Variants in ACTR3C observed in about 807,000 individuals in gnomAD.
ACTR3C encodes the protein actin related protein 3C, also known as actin-related protein 3C.
ACTR3C carries 18 observed loss-of-function variants against 26.3 expected under a neutral mutation model. The observed-to-expected ratio is 0.68, with a 90% CI of 0.47 to 1.01. The LOEUF is 1.01. Ranked by LOEUF, ACTR3C falls within the 50% of genes least tolerant of loss-of-function variation. The probability of loss-of-function intolerance (pLI) is 0.00; values close to 1 mark genes in which losing one functional copy is unlikely to be tolerated. For synonymous variants in ACTR3C, 55 were observed against 94.5 expected (o/e 0.58, Z 2.42); for missense variants, 184 against 250.7 (o/e 0.73, Z 1.80).
chr7:150,072,917 T>A, the ACTR3C span, among the ~76,000 whole-genome samples: 1 of 151,978 alleles, frequency 6.6e-6, no homozygotes, highest in Non-Finnish European at 1.5e-5. Context: ...CCTGCCCAGA[T>A]GAGCGAGAAC....
the ACTR3C span, among the ~76,000 whole-genome samples, chr7:149,937,119 A>T: frequency 4.6e-5 from 7 of 151,262 alleles, no homozygotes; most frequent in Non-Finnish European, 8.8e-5. Flanking sequence ...CAATATAGAC[A>T]TATTACCAAC....
At chr7:149,920,159 G>T in the ACTR3C span, among the ~76,000 whole-genome samples, 1 of 152,050 alleles carries the variant, frequency 6.6e-6, no homozygotes, top group Non-Finnish European at 1.5e-5. Context: ...CAGTTGGCTG[G>T]GTTATATCTG....
chr7:150,160,878 A>G, the ACTR3C span, among the ~76,000 whole-genome samples: 1 of 147,966 alleles, frequency 6.8e-6, no homozygotes, highest in East Asian at 2.0e-4. Flanking sequence ...CAGGAGTATA[A>G]AGTGCTTAGA....
At chr7:150,038,775 T>G in the ACTR3C span, among the ~76,000 whole-genome samples, 1 of 138,924 alleles carries the variant, frequency 7.2e-6, no homozygotes, top group Non-Finnish European at 1.6e-5. Flanking sequence ...GGGAAGAGGG[T>G]CTGGCTCTCA....
At chr7:150,100,794 C>G in the ACTR3C span, among the ~76,000 whole-genome samples, 2,960 of 151,346 alleles carry the variant, frequency 0.02, 196 homozygotes, top group African/African-American at 0.069. Flanking sequence ...ACCTCCCCCT[C>G]CCCGGGCTCA....
At chr7:150,120,915 T>C in the ACTR3C span, among the ~76,000 whole-genome samples, 1 of 152,178 alleles carries the variant, frequency 6.6e-6, no homozygotes, top group Non-Finnish European at 1.5e-5. Flanking sequence ...AACTCTGGGA[T>C]GTAAGGGTGG....
At chr7:150,042,593 C>T in the ACTR3C span, among the ~76,000 whole-genome samples, 2 of 141,818 alleles carry the variant, frequency 1.4e-5, no homozygotes, top group Non-Finnish European at 3.1e-5. Flanking sequence ...TGCCTCCCCC[C>T]ACTGCGATGG....
the ACTR3C span, among the ~76,000 whole-genome samples, chr7:150,182,304 G>A: frequency 2.7e-5 from 4 of 150,814 alleles, 1 homozygote; most frequent in African/African-American, 1.0e-4. Flanking sequence ...TCTCGCCCCA[G>A]CAACCTGGTT....
At chr7:150,098,921 G>T in the ACTR3C span, among the ~76,000 whole-genome samples, 1 of 150,814 alleles carries the variant, frequency 6.6e-6, no homozygotes, top group Middle Eastern at 3.4e-3. Flanking sequence ...CCCATTAATG[G>T]TCTACAATAG....
the ACTR3C span, among the ~76,000 whole-genome samples, chr7:150,146,751 G>A: frequency 1.3e-5 from 2 of 152,318 alleles, no homozygotes; most frequent in Admixed American, 1.3e-4. Context: ...ATCTTCAGAG[G>A]TGATGGATGT....
At chr7:150,035,569 G>A in the ACTR3C span, among the ~76,000 whole-genome samples, 21 of 135,538 alleles carry the variant, frequency 1.5e-4, 2 homozygotes, top group African/African-American at 5.0e-4. Flanking sequence ...CAGAGCCGGG[G>A]GGGAAGAGGG....
chr7:149,956,067 C>G, the ACTR3C span, among the ~76,000 whole-genome samples: 1 of 152,122 alleles, frequency 6.6e-6, no homozygotes, highest in Non-Finnish European at 1.5e-5. Flanking sequence ...TTTATATCCT[C>G]CCTACTTCCA....
At chr7:150,296,797 AG>A (rs1489507560) in intron 1 of ACTR3C, among the ~76,000 whole-genome samples, 1 of 146,610 alleles carries the variant, frequency 6.8e-6, no homozygotes, top group African/African-American at 2.6e-5. Context: ...ACAGGACTGG[AG>A]GAAGGTCTTC....
chr7:150,047,687 G>A, the ACTR3C span: 5 of 1,084,250 alleles, frequency 4.6e-6, no homozygotes, highest in Admixed American at 5.3e-5. Flanking sequence ...CGCCGCCGCC[G>A]CGCTCCCGGG....
chr7:150,112,904 G>C, the ACTR3C span, among the ~76,000 whole-genome samples: 2 of 152,048 alleles, frequency 1.3e-5, no homozygotes, highest in South Asian at 2.1e-4. Context: ...CGGCGACAAA[G>C]CACCCCATGT....
chr7:150,039,445 C>CA, the ACTR3C span, among the ~76,000 whole-genome samples: 1 of 46,514 alleles, frequency 2.1e-5, no homozygotes. Flanking sequence ...TGCCTCCCCC[C>CA]CTGCGATGGG....
chr7:150,136,724 A>T, the ACTR3C span, among the ~76,000 whole-genome samples: 1 of 151,406 alleles, frequency 6.6e-6, no homozygotes, highest in South Asian at 2.1e-4. Flanking sequence ...CCTGAAAGTC[A>T]GTACAAGTTC....
chr7:150,111,830 C>A, the ACTR3C span, among the ~76,000 whole-genome samples: 2 of 148,092 alleles, frequency 1.4e-5, no homozygotes, highest in African/African-American at 2.5e-5. Context: ...AACGCTAATC[C>A]CTTTTTCTGC....
At chr7:150,175,856 G>A in the ACTR3C span, among the ~76,000 whole-genome samples, 6 of 146,616 alleles carry the variant, frequency 4.1e-5, no homozygotes, top group Non-Finnish European at 8.9e-5. Flanking sequence ...AAGGAAGGAA[G>A]GGAAAGAAAA....
Sources: gnomAD v4.1 joint callset for allele counts (sites outside exome capture counted in the v4.1 genomes callset) on GRCh38, gnomAD v4.1.1 for gene constraint, MANE v1.5 for transcripts, NCBI Gene and HGNC (gene_info 2026-07-23, HGNC 2026-07-21) for gene names.